Variants in NFIC observed in about 807,000 individuals in gnomAD.
NFIC encodes nuclear factor 1 C-type.
In NFIC, 12 loss-of-function variants were observed where a neutral mutation model predicts 54.4. The ratio of observed to expected loss-of-function variants is 0.22; its 90% CI spans 0.14 to 0.36. NFIC has a LOEUF of 0.36. Ranked by LOEUF, NFIC falls within the 10% of genes least tolerant of loss-of-function variation. The probability of loss-of-function intolerance (pLI) is 1.00; values close to 1 mark genes in which losing one functional copy is unlikely to be tolerated. For missense variants in NFIC, 575 were observed against 718.2 expected (o/e 0.80, Z 2.28); for synonymous variants, 322 against 319.2 (o/e 1.01, Z -0.09).
chr19:3,416,990 TCTC>T (rs1187307881), intron 2 of NFIC, among the ~76,000 whole-genome samples: 7 of 151,862 alleles, frequency 4.6e-5, no homozygotes, highest in Non-Finnish European at 7.4e-5. Flanking sequence ...TTCACGCCAT[TCTC>T]CTGCCTCAGC....
At chr19:3,430,932 A>G (rs2082109930) in intron 3 of NFIC, among the ~76,000 whole-genome samples, 1 of 107,080 alleles carries the variant, frequency 9.3e-6, no homozygotes, top group African/African-American at 4.4e-5. Flanking sequence ...ACTCCGTCTC[A>G]AAAAAAAAAA....
At chr19:3,391,957 T>A (rs1246255022) in intron 2 of NFIC, among the ~76,000 whole-genome samples, 1 of 152,126 alleles carries the variant, frequency 6.6e-6, no homozygotes, top group East Asian at 1.9e-4. Flanking sequence ...AGCTCTGCCC[T>A]GCAGACAGCT....
chr19:3,400,245 G>A (rs1009729079), intron 2 of NFIC, among the ~76,000 whole-genome samples: 1 of 152,188 alleles, frequency 6.6e-6, no homozygotes, highest in African/African-American at 2.4e-5. Context: ...GGAGGCTGAG[G>A]TGGGCGGATC....
intron 6 of NFIC, among the ~76,000 whole-genome samples, chr19:3,440,949 G>A (rs2082284991): frequency 6.6e-6 from 1 of 152,174 alleles, no homozygotes; most frequent in Non-Finnish European, 1.5e-5. Flanking sequence ...CCAAGTAGCT[G>A]GGACTATGGG....
intron 2 of NFIC, among the ~76,000 whole-genome samples, chr19:3,390,266 G>C (rs2081357465): frequency 6.6e-6 from 1 of 152,250 alleles, no homozygotes; most frequent in African/African-American, 2.4e-5. Context: ...CCAGCCGTCT[G>C]TCTGTGCAGA....
chr19:3,425,313 T>C (rs1490286653), intron 3 of NFIC, 136 bp downstream of exon 3: 2 of 1,018,846 alleles, frequency 2.0e-6, no homozygotes, highest in Non-Finnish European at 2.8e-6. Context: ...AAGGGGCCTG[T>C]CCAGGGGCTA....
chr19:3,433,859 C>T (rs2082158544), intron 4 of NFIC, among the ~76,000 whole-genome samples: 1 of 152,018 alleles, frequency 6.6e-6, no homozygotes, highest in South Asian at 2.1e-4. Flanking sequence ...TCCCTGGGGC[C>T]TCCACTGTCC....
At chr19:3,359,798 G>T in intron 1 of NFIC, 1 of 1,135,366 alleles carries the variant, frequency 8.8e-7, no homozygotes, top group South Asian at 2.5e-5. Context: ...CCGCCCGGAG[G>T]AGGGGCTCGA....
Position 3,434,366 on chromosome 19 carries a change from C to G in NFIC, c.799C>G (p.Leu267Val). The G allele has an allele frequency of 6.2e-7, 1 of 1,612,800 alleles. No homozygotes were observed. Among genetic ancestry groups the G allele is most frequent in the Non-Finnish European group, 8.5e-7 (1 of 1,179,522 alleles). The change falls in exon 5 of 11, where the codon CTC (leucine) becomes GTC (valine). Residue 267 changes from leucine (L) to valine (V), a missense_variant. Leu to Val is a conservative substitution (Grantham distance 32, BLOSUM62 1). Coordinates refer to ENST00000443272, the MANE Select transcript of NFIC (RefSeq NM_001245002.2). The part of the protein sequence containing the change: ...AYDLNPASTG[L>V]RRTLPSTSSS... Reference sequence around the variant, plus strand: ...CGACCTGAACCCAGCCAGCACTGGCCTCAGAAGAACGCTGCCCAGCACCTC... The same window carrying G: ...CGACCTGAACCCAGCCAGCACTGGCGTCAGAAGAACGCTGCCCAGCACCTC...
Position 3,463,678 on chromosome 19 carries a change from C to T in NFIC, c.*909C>T. 2 of 984,430 alleles carry T rather than the reference C, an allele frequency of 2.0e-6. No homozygotes were observed. Among genetic ancestry groups the T allele is most frequent in the African/African-American group, 3.5e-5 (2 of 57,082 alleles). The allele number at this position is 984,430 out of a possible 1,614,324, so 61.0% of individuals were successfully genotyped here. On this transcript the variant is annotated 3_prime_UTR_variant, in exon 11 of 11. Transcript: ENST00000443272. Reference sequence around the variant, plus strand: ...CCCCCCACCTCGCCCGGCTCACACCCCCAAAGGGAGGGACCCACATTGCAC... The same window carrying T: ...CCCCCCACCTCGCCCGGCTCACACCTCCAAAGGGAGGGACCCACATTGCAC...
At chr19:3,391,737 C>T (rs1332851512) in intron 2 of NFIC, among the ~76,000 whole-genome samples, 2 of 151,992 alleles carry the variant, frequency 1.3e-5, no homozygotes, top group Non-Finnish European at 1.5e-5. Context: ...GCGGAGGTTG[C>T]GGTGAGCTGA....
chr19:3,361,927 T>G (rs1326208921), upstream of NFIC, among the ~76,000 whole-genome samples: 5 of 152,068 alleles, frequency 3.3e-5, no homozygotes, highest in African/African-American at 1.2e-4. Flanking sequence ...GAGACTCACA[T>G]AGACACACAC....
At chr19:3,367,458 C>G (rs1015160044) in intron 1 of NFIC, among the ~76,000 whole-genome samples, 1 of 149,238 alleles carries the variant, frequency 6.7e-6, no homozygotes, top group Non-Finnish European at 1.5e-5. Flanking sequence ...CTCGCCAGCC[C>G]GGCACCTGCC....
At chr19:3,420,485 C>A (rs1180993121) in intron 2 of NFIC, among the ~76,000 whole-genome samples, 3 of 151,638 alleles carry the variant, frequency 2.0e-5, no homozygotes, top group African/African-American at 7.3e-5. Context: ...GCGGAGATTG[C>A]AATGAGCTGG....
intron 2 of NFIC, among the ~76,000 whole-genome samples, chr19:3,389,457 C>T (rs993995644): frequency 2.0e-5 from 3 of 152,130 alleles, no homozygotes; most frequent in Admixed American, 6.6e-5. Flanking sequence ...ATCTTCATCC[C>T]GGTTGTGGGT....
chr19:3,366,460 A>C, upstream of NFIC: 1 of 490,306 alleles, frequency 2.0e-6, no homozygotes. Flanking sequence ...GGGCGGCGCG[A>C]GAGAGGGAGA....
At chr19:3,425,300 G>A in intron 3 of NFIC, 123 bp downstream of exon 3, 1 of 1,162,196 alleles carries the variant, frequency 8.6e-7, no homozygotes, top group Admixed American at 2.4e-5. Context: ...GCTCGGAGAG[G>A]TTAAGGGGCC....
At chr19:3,403,828 C>T (rs1276630137) in intron 2 of NFIC, among the ~76,000 whole-genome samples, 1 of 151,874 alleles carries the variant, frequency 6.6e-6, no homozygotes. Context: ...CCTCCCGCCA[C>T]CCCCCGCCGC....
At chr19:3,411,720 G>A (rs905779804) in intron 2 of NFIC, among the ~76,000 whole-genome samples, 3 of 152,138 alleles carry the variant, frequency 2.0e-5, no homozygotes, top group African/African-American at 7.2e-5. Context: ...TTTGGGTAAA[G>A]TCTGCTCACA....
Sources: gnomAD v4.1 joint callset for allele counts (sites outside exome capture counted in the v4.1 genomes callset) on GRCh38, gnomAD v4.1.1 for gene constraint, MANE v1.5 for transcripts, NCBI Gene and HGNC (gene_info 2026-07-23, HGNC 2026-07-21) for gene names.